The following CPB2 variants were observed in gnomAD, a reference collection of about 807,000 sequenced individuals.
The protein encoded by CPB2 is carboxypeptidase B2, also known as carboxypeptidase B-like protein.
Under a neutral mutation model 57.0 loss-of-function variants are expected in CPB2, and 54 were observed. The ratio of observed to expected loss-of-function variants is 0.95; its 90% CI spans 0.76 to 1.19. The LOEUF (loss-of-function observed/expected upper bound fraction) is 1.19, where lower values mean the gene tolerates loss of function less well. CPB2 is among the 50% of genes most tolerant of loss of function. CPB2 has a pLI of 0.00. For missense variants in CPB2, 426 were observed against 512.0 expected (o/e 0.83, Z 1.62); for synonymous variants, 189 against 178.1 (o/e 1.06, Z -0.49).
At position 46,067,366 on chromosome 13, in the gene CPB2, C is replaced by T. The variant is rs764594258; in HGVS notation, c.643G>A (p.Val215Met). Residue 215 changes from valine (V) to methionine (M), a missense_variant, in exon 7 of 11, where the codon GTG becomes ATG. Physicochemically the swap from Val to Met is conservative, Grantham distance 21. Coordinates refer to ENST00000181383, the MANE Select transcript of CPB2 (RefSeq NM_001872.5). ...ACCACTGGCATAACATAGAAATCCA[C>T]AAGCCTCAGGAGATTGGTATATTGC... ...IGQYTNLLRL[V>M]DFYVMPVVNV... 1.9e-6 allele frequency: 3 copies of T among 1,597,658 alleles called. No homozygotes were observed. The highest frequency in any genetic ancestry group is 1.1e-5 in the South Asian group (1 of 90,712).
chr13:46,064,863 A>ATGG, intron 7 of CPB2, 122 bp from the exon 8 acceptor site: 1 of 707,654 alleles, frequency 1.4e-6, no homozygotes, highest in Non-Finnish European at 2.5e-6. Context: ...CATACCTTGC[A>ATGG]TGGCTTCATC....
chr13:46,099,378 G>A (rs569472778), intron 1 of CPB2: 2 of 152,306 alleles, frequency 1.3e-5, no homozygotes, highest in South Asian at 4.1e-4. Flanking sequence ...GGTTGGGCAT[G>A]ATTTTGGGAG....
intron 5 of CPB2, among the ~76,000 whole-genome samples, chr13:46,077,717 G>A (rs1394976537): frequency 3.3e-5 from 5 of 151,968 alleles, no homozygotes; most frequent in African/African-American, 7.3e-5. Context: ...ATGTGGATGT[G>A]GATAAAGAAA....
At chr13:46,087,691 C>G in intron 2 of CPB2, 54 bp downstream of exon 2, 1 of 1,216,058 alleles carries the variant, frequency 8.2e-7, no homozygotes, top group South Asian at 1.2e-5. Flanking sequence ...AAACTCAACA[C>G]CCAGTGCTTA....
chr13:46,080,953 CAG>C (rs1335859859), intron 4 of CPB2, among the ~76,000 whole-genome samples: 3 of 108,486 alleles, frequency 2.8e-5, no homozygotes, highest in Non-Finnish European at 5.2e-5. Flanking sequence ...GCCTGGGTGA[CAG>C]AGAGAAACTC....
chr13:46,066,111 T>C (rs2044850511), intron 7 of CPB2, among the ~76,000 whole-genome samples: 2 of 150,458 alleles, frequency 1.3e-5, no homozygotes, highest in African/African-American at 4.9e-5. Context: ...ATAAATTACC[T>C]CCTACATGAA....
chr13:46,053,471 T>A lies in CPB2; in HGVS notation c.*143A>T. ...TGCCTTAATGGCAAAGTAGCACTTA[T>A]TAGGTTCTCTGACAGAACCAAGGAA... On this transcript the variant is annotated 3_prime_UTR_variant, in exon 11 of 11. Coordinates refer to ENST00000181383, the MANE Select transcript of CPB2 (RefSeq NM_001872.5). 6 of 1,279,468 alleles carry A rather than the reference T, an allele frequency of 4.7e-6. No individual in the cohort carries two copies. Among genetic ancestry groups the A allele is most frequent in the Non-Finnish European group, 6.3e-6 (6 of 949,980 alleles). The allele number at this position is 1,279,468 out of a possible 1,614,324, so 79.3% of individuals were successfully genotyped here. A position where few individuals can be genotyped will look rare whatever the true frequency, so the allele number is the denominator to read the frequency against.
rs1767853321 is a variant in CPB2 at position 46,056,198 on chromosome 13, T to C, written c.1000-349A>G. Among the ~76,000 whole-genome samples the C allele has an allele frequency of 2.0e-5, 3 of 152,164 alleles. No individual in the cohort carries two copies. The South Asian group carries it at 6.2e-4, about 31-fold the overall frequency. ...TCTCAAAGGCTTAGAGGTACTCCAT[T>C]TCTGAACAAAATTATCACCAAACTT... On this transcript the variant is annotated intron_variant, in intron 9 of 10. Transcript: ENST00000181383.
At chr13:46,061,389 C>A (rs2044770636) in intron 8 of CPB2, among the ~76,000 whole-genome samples, 1 of 152,142 alleles carries the variant, frequency 6.6e-6, no homozygotes, top group Non-Finnish European at 1.5e-5. Flanking sequence ...TGAATTGCAT[C>A]CTCCCAAATT....
intron 4 of CPB2, among the ~76,000 whole-genome samples, chr13:46,079,896 C>A (rs971073011): frequency 6.6e-6 from 1 of 152,180 alleles, no homozygotes; most frequent in African/African-American, 2.4e-5. Flanking sequence ...AGGGCTCCTG[C>A]CCACCTGCCA....
chr13:46,068,013 A>G (rs541273977), intron 6 of CPB2, among the ~76,000 whole-genome samples: 2 of 152,222 alleles, frequency 1.3e-5, no homozygotes, highest in Non-Finnish European at 2.9e-5. Flanking sequence ...TTAGTGGCAC[A>G]TATTGCAGTG....
At chr13:46,103,479 C>A (rs1180640787) in intron 1 of CPB2, among the ~76,000 whole-genome samples, 2 of 152,234 alleles carry the variant, frequency 1.3e-5, no homozygotes, top group Non-Finnish European at 2.9e-5. Flanking sequence ...TGAAATGAGG[C>A]TAAAGTGGGT....
At position 46,087,821 on chromosome 13, in the gene CPB2, C is replaced by G; in HGVS notation, c.75-1G>C. ...AGGAAGAGCAGCTAGAACTTGGCCA[C>G]TGGGGAAAAAAATAAAAGAGGATTT... On this transcript the variant is annotated splice_acceptor_variant, in intron 1 of 10. Transcript: ENST00000181383. LOFTEE classifies it high-confidence loss of function. 6.3e-7 allele frequency: 1 copy of G among 1,599,528 alleles called. No homozygotes were observed. Among genetic ancestry groups the G allele is most frequent in the Non-Finnish European group, 8.5e-7 (1 of 1,171,690 alleles).
intron 4 of CPB2, 63 bp downstream of exon 4, chr13:46,082,378 G>A: frequency 1.1e-6 from 1 of 904,938 alleles, no homozygotes; most frequent in Non-Finnish European, 1.7e-6. Context: ...ATATTCCCCT[G>A]ATTGAAATGG....
intron 5 of CPB2, among the ~76,000 whole-genome samples, chr13:46,076,717 T>C (rs2045028145): frequency 1.3e-5 from 2 of 152,116 alleles, no homozygotes. Flanking sequence ...TAAAACAGCA[T>C]GGTACTGGCA....
intron 5 of CPB2, among the ~76,000 whole-genome samples, chr13:46,074,806 T>C (rs1306151395): frequency 6.6e-6 from 1 of 152,168 alleles, no homozygotes; most frequent in African/African-American, 2.4e-5. Context: ...GGGATAAAAC[T>C]GTTCCACCTC....
chr13:46,092,961 G>A (rs1009496883), intron 1 of CPB2, among the ~76,000 whole-genome samples: 1 of 152,160 alleles, frequency 6.6e-6, no homozygotes, highest in Non-Finnish European at 1.5e-5. Flanking sequence ...CACCCAGGCT[G>A]GAGTGCAATG....
rs17844161 is a variant in CPB2 at position 46,101,832 on chromosome 13, C to T, written c.74+3104G>A. Among the ~76,000 whole-genome samples the T allele has an allele frequency of 6.8e-3, 1,029 of 152,304 alleles. 9 individuals are homozygous for T. The highest frequency in any genetic ancestry group is 0.024 in the African/African-American group (993 of 41,556). ...AGCTTTTAATACCTATGCAACACTT[C>T]CTCTGTTCCTTCCCTTCTGAGAACG... is the stretch of plus-strand genomic sequence containing the variant. On this transcript the variant is annotated intron_variant, in intron 1 of 10. Transcript: ENST00000181383.
In CPB2 at chr13:46,055,751, G is replaced by GAAATACTT. The variant is rs763988987; in HGVS notation, c.1087+3_1087+10dup. The GAAATACTT allele has an allele frequency of 6.7e-7, 1 of 1,497,112 alleles. No individual in the cohort carries two copies. Among genetic ancestry groups the GAAATACTT allele is most frequent in the East Asian group, 2.3e-5 (1 of 43,692 alleles). The allele number at this position is 1,497,112 out of a possible 1,614,324, so 92.7% of individuals were successfully genotyped here. ...TCAAAGTTCTCTAAGATCATAAGAAGAAATACTTACATAAGGTTTCTGAGC... is the reference window on the plus strand; with the variant it reads ...TCAAAGTTCTCTAAGATCATAAGAAGAAATACTTAAATACTTACATAAGGTTTCTGAGC... On this transcript the variant is annotated intron_variant, in intron 10 of 10. Transcript: ENST00000181383.
Sources: allele counts gnomAD v4.1 joint callset (sites outside exome capture counted in the v4.1 genomes callset), GRCh38; gene constraint gnomAD v4.1.1; transcripts MANE v1.5; gene names NCBI Gene and HGNC (gene_info 2026-07-23, HGNC 2026-07-21).